SCMH1: variants seen among roughly 807,000 people sequenced by gnomAD.
SCMH1 encodes the protein Scm polycomb group protein homolog 1.
In SCMH1, 37 loss-of-function variants were observed where a neutral mutation model predicts 70.8. That is an observed-to-expected ratio of 0.52 (90% CI 0.40 to 0.69). The LOEUF (loss-of-function observed/expected upper bound fraction) is 0.69, where lower values mean the gene tolerates loss of function less well. Among genes scored for constraint, SCMH1 ranks in the 30% least tolerant of loss-of-function variants. The probability of loss-of-function intolerance (pLI) is 0.00; values close to 1 mark genes in which losing one functional copy is unlikely to be tolerated. For missense variants in SCMH1, 607 were observed against 827.3 expected (o/e 0.73, Z 3.27); for synonymous variants, 292 against 307.4 (o/e 0.95, Z 0.52).
intron 1 of SCMH1, among the ~76,000 whole-genome samples, chr1:41,201,823 A>G (rs1654420985): frequency 2.0e-5 from 3 of 152,190 alleles, no homozygotes; most frequent in Admixed American, 2.0e-4. Flanking sequence ...AAGGCAATGT[A>G]AAAAGAATAT....
At chr1:41,093,754 T>C (rs1394357894) in intron 8 of SCMH1, among the ~76,000 whole-genome samples, 1 of 152,188 alleles carries the variant, frequency 6.6e-6, no homozygotes, top group African/African-American at 2.4e-5. Context: ...TACACATTAG[T>C]TGGTATCACC....
chr1:41,157,913 C>T (rs370361813), intron 4 of SCMH1, among the ~76,000 whole-genome samples: 1 of 152,176 alleles, frequency 6.6e-6, no homozygotes, highest in African/African-American at 2.4e-5. Context: ...AAAATCTTTA[C>T]TGTTTAACAC....
intron 9 of SCMH1, among the ~76,000 whole-genome samples, chr1:41,073,082 A>G (rs1657080127): frequency 6.6e-6 from 1 of 152,232 alleles, no homozygotes; most frequent in Non-Finnish European, 1.5e-5. Flanking sequence ...GAGGGAGCAG[A>G]GCAGAGGCAA....
intron 7 of SCMH1, among the ~76,000 whole-genome samples, chr1:41,116,105 A>G (rs1670407343): frequency 6.6e-6 from 1 of 152,226 alleles, no homozygotes; most frequent in Non-Finnish European, 1.5e-5. Context: ...GAAGTTAAAC[A>G]TTCTACTTGG....
At chr1:41,197,310 T>A (rs547730740) in intron 1 of SCMH1, among the ~76,000 whole-genome samples, 1 of 152,276 alleles carries the variant, frequency 6.6e-6, no homozygotes, top group Admixed American at 6.5e-5. Flanking sequence ...CATCAACAGA[T>A]GACTGGATTA....
At chr1:41,086,147 T>A (rs2802565) in intron 8 of SCMH1, among the ~76,000 whole-genome samples, 97,771 of 152,048 alleles carry the variant, frequency 0.64, 32,817 homozygotes, top group African/African-American at 0.84. Context: ...CCTTTCTTTT[T>A]AAAATGTACT....
At chr1:41,219,773 T>C (rs907965599) in intron 1 of SCMH1, among the ~76,000 whole-genome samples, 15 of 151,986 alleles carry the variant, frequency 9.9e-5, no homozygotes, top group Non-Finnish European at 1.5e-4. Flanking sequence ...ACTAAAAATA[T>C]GAACAAACTT....
chr1:41,075,376 G>C lies in SCMH1; in HGVS notation c.821C>G (p.Thr274Ser), dbSNP rs368248617. 8 of 1,614,060 alleles carry C rather than the reference G, an allele frequency of 5.0e-6. No individual in the cohort carries two copies. In the African/African-American group the frequency reaches 1.1e-4, roughly 22 times the overall value. The change falls in exon 9 of 15, where the codon ACT becomes AGT. Residue 274 changes from threonine (T) to serine (S), a missense_variant. Thr to Ser is a moderately conservative substitution (Grantham distance 58). Transcript: ENST00000337495. ...CTGCCCTGGTTGATGTTCCAAGACA[G>C]TTTTGGTGCTGCTGTGGATGCTGGG...
At chr1:41,126,541 CTG>C (rs1212432127) in intron 6 of SCMH1, among the ~76,000 whole-genome samples, 1 of 152,042 alleles carries the variant, frequency 6.6e-6, no homozygotes, top group African/African-American at 2.4e-5. Flanking sequence ...CTTGACATTC[CTG>C]TGTTTCTTTT....
intron 6 of SCMH1, among the ~76,000 whole-genome samples, chr1:41,140,925 G>C (rs1644008873): frequency 6.6e-6 from 1 of 152,174 alleles, no homozygotes; most frequent in African/African-American, 2.4e-5. Context: ...CAATTGGTGT[G>C]ATGGAGTGAA....
At chr1:41,176,385 G>GA (rs1647139440) in intron 2 of SCMH1, among the ~76,000 whole-genome samples, 2 of 152,200 alleles carry the variant, frequency 1.3e-5, no homozygotes, top group South Asian at 4.1e-4. Context: ...TCTCACAGGG[G>GA]AGTGTCGGAC....
At chr1:41,241,148 G>T (rs1663428106) in intron 1 of SCMH1, among the ~76,000 whole-genome samples, 1 of 152,252 alleles carries the variant, frequency 6.6e-6, no homozygotes, top group African/African-American at 2.4e-5. Context: ...ATCACTGGAA[G>T]AGGTTCCAAA....
chr1:41,138,306 T>C (rs12759023), intron 6 of SCMH1, among the ~76,000 whole-genome samples: 16,433 of 152,192 alleles, frequency 0.11, 1,258 homozygotes, highest in East Asian at 0.27. Flanking sequence ...CCTATAAATA[T>C]AAAGGTAAAG....
intron 1 of SCMH1, among the ~76,000 whole-genome samples, chr1:41,199,966 A>T (rs759029027): frequency 2.8e-4 from 42 of 152,220 alleles, no homozygotes; most frequent in Non-Finnish European, 5.7e-4. Flanking sequence ...CAAGAAGAAG[A>T]CCATCCCTAG....
At chr1:41,090,679 T>TA (rs1465820570) in intron 8 of SCMH1, among the ~76,000 whole-genome samples, 3 of 152,144 alleles carry the variant, frequency 2.0e-5, no homozygotes, top group African/African-American at 7.2e-5. Context: ...AAATAATTTT[T>TA]TAAATTAAAA....
chr1:41,220,367 T>C (rs1250371731), intron 1 of SCMH1, among the ~76,000 whole-genome samples: 1 of 152,246 alleles, frequency 6.6e-6, no homozygotes, highest in Non-Finnish European at 1.5e-5. Context: ...ATAGTTAATT[T>C]TCCCAAATAA....
At chr1:41,169,787 C>T (rs768514657) in intron 2 of SCMH1, among the ~76,000 whole-genome samples, 10 of 152,166 alleles carry the variant, frequency 6.6e-5, no homozygotes, top group African/African-American at 1.2e-4. Flanking sequence ...TAAAGTCCAG[C>T]GATGTGCTTC....
chr1:41,040,141 A>G (rs1436247888), intron 12 of SCMH1, among the ~76,000 whole-genome samples: 1 of 152,160 alleles, frequency 6.6e-6, no homozygotes, highest in Non-Finnish European at 1.5e-5. Context: ...TCAATGTAAA[A>G]TATACTATTG....
In SCMH1 at chr1:41,184,418, T is replaced by C. The variant is rs549789043; in HGVS notation, c.13+1703A>G. Among the ~76,000 whole-genome samples, 398 of 152,316 alleles carry C rather than the reference T, an allele frequency of 2.6e-3. 2 individuals are homozygous for C. Among genetic ancestry groups the C allele is most frequent in the African/African-American group, 6.9e-3 (285 of 41,568 alleles). On this transcript the variant is annotated intron_variant, in intron 2 of 14. Transcript: ENST00000337495. ...GGAGTAAATCTGACAATTAAAAAAC[T>C]GAATTGAAATAATGCTCTAAATCCT...
Sources: allele counts gnomAD v4.1 joint callset (sites outside exome capture counted in the v4.1 genomes callset), GRCh38; gene constraint gnomAD v4.1.1; transcripts MANE v1.5; gene names NCBI Gene and HGNC (gene_info 2026-07-23, HGNC 2026-07-21).